DGKB: variants seen among roughly 807,000 people sequenced by gnomAD.
DGKB encodes diacylglycerol kinase beta.
A neutral mutation model predicts 114.3 loss-of-function variants in DGKB; 67 were observed. The observed-to-expected ratio is 0.59, with a 90% CI of 0.48 to 0.72. DGKB has a LOEUF of 0.72. DGKB is among the 30% of genes least tolerant of loss of function. The probability of loss-of-function intolerance (pLI) is 0.00; values close to 1 mark genes in which losing one functional copy is unlikely to be tolerated. For missense variants in DGKB, 907 were observed against 975.2 expected (o/e 0.93, Z 0.93); for synonymous variants, 398 against 323.1 (o/e 1.23, Z -2.49).
At chr7:14,627,322 G>A (rs577076902) in intron 14 of DGKB, among the ~76,000 whole-genome samples, 3 of 152,058 alleles carry the variant, frequency 2.0e-5, no homozygotes, top group Admixed American at 2.0e-4. Context: ...GTACCTGGGG[G>A]TGTTAGTCAC....
At chr7:14,431,453 C>G (rs528688311) in intron 21 of DGKB, among the ~76,000 whole-genome samples, 5 of 152,194 alleles carry the variant, frequency 3.3e-5, no homozygotes, top group Admixed American at 6.6e-5. Flanking sequence ...TAAACATAAA[C>G]TGTGCTGCTG....
At chr7:14,474,327 C>A (rs1160064363) in intron 21 of DGKB, among the ~76,000 whole-genome samples, 1 of 152,176 alleles carries the variant, frequency 6.6e-6, no homozygotes, top group African/African-American at 2.4e-5. Flanking sequence ...ATGTGACTTG[C>A]TCCTCCTTGC....
intron 13 of DGKB, among the ~76,000 whole-genome samples, chr7:14,658,976 A>G (rs932764423): frequency 6.6e-6 from 1 of 151,848 alleles, no homozygotes; most frequent in African/African-American, 2.4e-5. Flanking sequence ...ACAGGTATAC[A>G]TGTGCCATGG....
chr7:14,430,447 T>C (rs939565564), intron 21 of DGKB, among the ~76,000 whole-genome samples: 1 of 152,198 alleles, frequency 6.6e-6, no homozygotes, highest in African/African-American at 2.4e-5. Flanking sequence ...AAATCATGAT[T>C]GGTTAACATG....
chr7:14,940,970 A>T lies in DGKB; in HGVS notation c.-188+33726T>A, dbSNP rs546091834. ...TCTCTCTCAAATAGCTTAGGTCTGA[A>T]ATACGACTTTGATAGGAGAGAATAT... is the stretch of plus-strand genomic sequence containing the variant. On this transcript the variant is annotated intron_variant, in intron 1 of 4. Coordinates refer to the DGKB transcript ENST00000437998. Among the ~76,000 whole-genome samples, 26 of 152,208 alleles carry T rather than the reference A, an allele frequency of 1.7e-4. No homozygotes were observed. The South Asian group carries it at 5.0e-3, about 29-fold the overall frequency.
chr7:14,394,588 C>T (rs1408436110), intron 21 of DGKB, among the ~76,000 whole-genome samples: 2 of 152,100 alleles, frequency 1.3e-5, no homozygotes, highest in Admixed American at 1.3e-4. Context: ...TAGCTTCAAC[C>T]CATCGAACAT....
rs536709371 is a variant in DGKB at position 14,953,737 on chromosome 7, T to G, written c.-188+20959A>C. 1.3e-4 allele frequency among the ~76,000 whole-genome samples: 20 copies of G among 152,200 alleles called. No individual in the cohort carries two copies. The South Asian group carries it at 3.9e-3, about 30-fold the overall frequency. ...GAGAACATATGCTCATGCATAAACT[T>G]GTGCACAAATGTTCATAGTAACATT... On this transcript the variant is annotated intron_variant, in intron 1 of 4. Transcript: ENST00000437998.
chr7:14,744,027 G>A (rs1832920105), intron 4 of DGKB, among the ~76,000 whole-genome samples: 1 of 151,222 alleles, frequency 6.6e-6, no homozygotes, highest in East Asian at 1.9e-4. Context: ...TGAACTAATA[G>A]AAAACTGAAG....
At chr7:14,610,111 G>T (rs972227809) in intron 16 of DGKB, among the ~76,000 whole-genome samples, 7 of 152,000 alleles carry the variant, frequency 4.6e-5, no homozygotes, top group Non-Finnish European at 1.0e-4. Flanking sequence ...CAAAGACATG[G>T]AATCAACCTA....
intron 19 of DGKB, among the ~76,000 whole-genome samples, chr7:14,579,505 C>T (rs1799625224): frequency 6.6e-6 from 1 of 152,184 alleles, no homozygotes; most frequent in Non-Finnish European, 1.5e-5. Context: ...AGAAGACTCA[C>T]ATATTTTCCT....
intron 19 of DGKB, among the ~76,000 whole-genome samples, chr7:14,575,336 G>A (rs1283207069): frequency 6.6e-6 from 1 of 152,080 alleles, no homozygotes; most frequent in Non-Finnish European, 1.5e-5. Context: ...TAGAGTAAAT[G>A]CTCAACAAAT....
intron 15 of DGKB, among the ~76,000 whole-genome samples, chr7:14,615,790 AT>A (rs1308277198): frequency 6.6e-6 from 1 of 151,756 alleles, no homozygotes; most frequent in East Asian, 1.9e-4. Context: ...AATTGTGGAT[AT>A]TATCACATGT....
At chr7:14,636,492 T>C (rs1810777017) in intron 13 of DGKB, among the ~76,000 whole-genome samples, 1 of 151,846 alleles carries the variant, frequency 6.6e-6, no homozygotes, top group Non-Finnish European at 1.5e-5. Flanking sequence ...TATATTTAAA[T>C]CCTTTTAGCC....
intron 20 of DGKB, among the ~76,000 whole-genome samples, chr7:14,516,905 C>T (rs1788883935): frequency 6.6e-6 from 1 of 151,894 alleles, no homozygotes; most frequent in Admixed American, 6.6e-5. Context: ...AGATTCAATA[C>T]TATTCCTATC....
intron 1 of DGKB, among the ~76,000 whole-genome samples, chr7:14,953,233 G>T (rs1213521754): frequency 6.6e-6 from 1 of 151,990 alleles, no homozygotes; most frequent in Non-Finnish European, 1.5e-5. Flanking sequence ...TTAAAGTTCT[G>T]TGCTTCAAAG....
intron 21 of DGKB, among the ~76,000 whole-genome samples, chr7:14,393,643 G>A (rs62444607): frequency 1.3e-5 from 2 of 152,098 alleles, no homozygotes; most frequent in Admixed American, 1.3e-4. Flanking sequence ...TATTTACATT[G>A]CTAATTTAGC....
intron 21 of DGKB, among the ~76,000 whole-genome samples, chr7:14,417,355 T>C (rs1256131854): frequency 6.6e-6 from 1 of 152,080 alleles, no homozygotes; most frequent in Non-Finnish European, 1.5e-5. Context: ...TGTTCACATA[T>C]AAGACTTCAA....
chr7:14,675,045 G>C (rs1819610972), intron 12 of DGKB, among the ~76,000 whole-genome samples: 1 of 152,160 alleles, frequency 6.6e-6, no homozygotes, highest in East Asian at 1.9e-4. Context: ...GGATGTCACA[G>C]AGAAAGAGCT....
At chr7:14,604,756 G>A (rs763660913) in intron 17 of DGKB, among the ~76,000 whole-genome samples, 3 of 152,126 alleles carry the variant, frequency 2.0e-5, no homozygotes, top group Admixed American at 6.6e-5. Context: ...GGATTCACAA[G>A]TGAGCAGATC....
Sources: allele counts gnomAD v4.1 joint callset (sites outside exome capture counted in the v4.1 genomes callset), GRCh38; gene constraint gnomAD v4.1.1; transcripts MANE v1.5; gene names NCBI Gene and HGNC (gene_info 2026-07-23, HGNC 2026-07-21).